Variants in PPP2R2B observed in about 807,000 individuals in gnomAD.
PPP2R2B encodes serine/threonine-protein phosphatase 2A 55 kDa regulatory subunit B beta isoform.
Under a neutral mutation model 46.0 loss-of-function variants are expected in PPP2R2B, and 5 were observed. That is an observed-to-expected ratio of 0.11 (90% CI 0.06 to 0.23). The LOEUF (loss-of-function observed/expected upper bound fraction) is 0.23, where lower values mean the gene tolerates loss of function less well. Ranked by LOEUF, PPP2R2B falls within the 10% of genes least tolerant of loss-of-function variation. The pLI, the probability that PPP2R2B is intolerant of heterozygous loss-of-function variation, is 1.00. For missense variants in PPP2R2B, 367 were observed against 575.0 expected (o/e 0.64, Z 3.70); for synonymous variants, 215 against 206.7 (o/e 1.04, Z -0.34).
At chr5:146,783,705 C>G (rs932400980) in intron 2 of PPP2R2B, among the ~76,000 whole-genome samples, 1 of 152,160 alleles carries the variant, frequency 6.6e-6, no homozygotes, top group Non-Finnish European at 1.5e-5. Context: ...AGATTGCAGA[C>G]AACGCATTTG....
chr5:146,881,660 A>G (rs1470712842), upstream of PPP2R2B, among the ~76,000 whole-genome samples: 1 of 152,126 alleles, frequency 6.6e-6, no homozygotes, highest in African/African-American at 2.4e-5. Flanking sequence ...GATCTACCTG[A>G]CTGGGCCTTC....
chr5:147,078,757 G>A (rs1424042266), intron 2 of PPP2R2B, among the ~76,000 whole-genome samples: 2 of 149,608 alleles, frequency 1.3e-5, no homozygotes, highest in African/African-American at 2.5e-5. Flanking sequence ...GCAGTGAGCC[G>A]AGATCATGCC....
chr5:146,690,488 T>C (rs1368710357), intron 5 of PPP2R2B, among the ~76,000 whole-genome samples: 1 of 152,228 alleles, frequency 6.6e-6, no homozygotes, highest in Non-Finnish European at 1.5e-5. Flanking sequence ...TTACAAATCC[T>C]CTTTATCAGG....
chr5:146,974,888 A>T (rs937812618), intron 1 of PPP2R2B, among the ~76,000 whole-genome samples: 1 of 151,992 alleles, frequency 6.6e-6, no homozygotes, highest in Non-Finnish European at 1.5e-5. Context: ...ACGGGGTTTC[A>T]CCATGTTAGC....
chr5:146,856,464 T>C, intron 2 of PPP2R2B: 1 of 1,472,646 alleles, frequency 6.8e-7, no homozygotes, highest in Non-Finnish European at 9.5e-7. Context: ...TGCTACTTTA[T>C]CAAGAAGAGT....
intron 9 of PPP2R2B, among the ~76,000 whole-genome samples, chr5:146,591,143 C>G (rs572723970): frequency 2.0e-5 from 3 of 151,982 alleles, no homozygotes; most frequent in Admixed American, 2.0e-4. Flanking sequence ...GGTGGTTCCC[C>G]TGGAGTGGGG....
chr5:146,707,564 G>C, intron 2 of PPP2R2B: 1 of 713,042 alleles, frequency 1.4e-6, no homozygotes, highest in Non-Finnish European at 2.6e-6. Context: ...GCCAGAGGTG[G>C]ACACCTTGTA....
chr5:146,875,383 G>A (rs1761837434), intron 2 of PPP2R2B, among the ~76,000 whole-genome samples: 1 of 152,096 alleles, frequency 6.6e-6, no homozygotes, highest in African/African-American at 2.4e-5. Flanking sequence ...GCATTCTTTT[G>A]AGAAAGACAG....
intron 1 of PPP2R2B, among the ~76,000 whole-genome samples, chr5:146,978,110 A>C (rs1426319707): frequency 1.3e-5 from 2 of 152,182 alleles, no homozygotes; most frequent in Non-Finnish European, 2.9e-5. Flanking sequence ...TTCGGTTTGC[A>C]CTTCTCTAAT....
At chr5:146,825,989 G>A (rs1417172128) in intron 2 of PPP2R2B, among the ~76,000 whole-genome samples, 3 of 152,166 alleles carry the variant, frequency 2.0e-5, no homozygotes, top group Admixed American at 1.3e-4. Flanking sequence ...AATCTTATGA[G>A]TTATAGATAT....
rs145090614 is a variant in PPP2R2B at position 146,986,100 on chromosome 5, T to A, written c.79+69565A>T. 8.2e-3 allele frequency among the ~76,000 whole-genome samples: 1,255 copies of A among 152,178 alleles called. 13 individuals are homozygous for A. The highest frequency in any genetic ancestry group is 0.026 in the African/African-American group (1,094 of 41,518). On this transcript the variant is annotated intron_variant, in intron 1 of 8. Transcript: ENST00000336640. ...ATCATACTACCTGATTTTACCATAATAACAAGAAGAGGCACATTGGAGAGG... is the reference window on the plus strand; with the variant it reads ...ATCATACTACCTGATTTTACCATAAAAACAAGAAGAGGCACATTGGAGAGG...
At chr5:146,749,606 C>CTTTTTTTTTTTTTTTTTTT (rs1045634394) in intron 2 of PPP2R2B, among the ~76,000 whole-genome samples, 5 of 103,848 alleles carry the variant, frequency 4.8e-5, no homozygotes, top group East Asian at 2.7e-4. Context: ...CTTTTCTTTT[C>CTTTTTTTTTTTTTTTTTTT]TTTTTTTTTT....
At chr5:146,972,732 A>G (rs1395307908) in intron 1 of PPP2R2B, among the ~76,000 whole-genome samples, 1 of 152,034 alleles carries the variant, frequency 6.6e-6, no homozygotes, top group Non-Finnish European at 1.5e-5. Flanking sequence ...AAACAAAAAC[A>G]AAATAGGGAA....
chr5:146,779,115 T>C (rs1755356164), intron 2 of PPP2R2B, among the ~76,000 whole-genome samples: 1 of 152,192 alleles, frequency 6.6e-6, no homozygotes, highest in Non-Finnish European at 1.5e-5. Flanking sequence ...TAGCTGGAAA[T>C]GACATTTCAG....
At chr5:146,834,224 T>C (rs1215118664) in intron 2 of PPP2R2B, among the ~76,000 whole-genome samples, 1 of 152,170 alleles carries the variant, frequency 6.6e-6, no homozygotes, top group Non-Finnish European at 1.5e-5. Context: ...ACATAATCCA[T>C]TTCATTCTCA....
intron 7 of PPP2R2B, among the ~76,000 whole-genome samples, chr5:146,609,504 T>G (rs1438418248): frequency 6.6e-6 from 1 of 152,138 alleles, no homozygotes; most frequent in South Asian, 2.1e-4. Flanking sequence ...GATGGCCGAA[T>G]AGGAACAGCT....
At chr5:147,056,253 G>A (rs1312037968), upstream of PPP2R2B, 1 of 306,770 alleles carries the variant, frequency 3.3e-6, no homozygotes, top group East Asian at 1.7e-4. Context: ...CACCCGTAAT[G>A]CCATGGATCT....
chr5:146,669,884 T>C (rs1777235866), intron 5 of PPP2R2B, among the ~76,000 whole-genome samples: 1 of 152,178 alleles, frequency 6.6e-6, no homozygotes, highest in Non-Finnish European at 1.5e-5. Flanking sequence ...TTTTTTCTGG[T>C]GACGTTACTA....
chr5:146,651,816 C>T (rs947098816), intron 5 of PPP2R2B, among the ~76,000 whole-genome samples: 8 of 152,134 alleles, frequency 5.3e-5, no homozygotes, highest in South Asian at 2.1e-4. Context: ...ACCCAGGTGG[C>T]GAGGAGAAGA....
Sources: allele counts gnomAD v4.1 joint callset (sites outside exome capture counted in the v4.1 genomes callset), GRCh38; gene constraint gnomAD v4.1.1; transcripts MANE v1.5; gene names NCBI Gene and HGNC (gene_info 2026-07-23, HGNC 2026-07-21).